The following DOK6 variants were observed in gnomAD, a reference collection of about 807,000 sequenced individuals.
DOK6 encodes docking protein 6.
A neutral mutation model predicts 44.0 loss-of-function variants in DOK6; 22 were observed. The ratio of observed to expected loss-of-function variants is 0.50; its 90% CI spans 0.36 to 0.71. DOK6 has a LOEUF of 0.71. DOK6 is among the 30% of genes least tolerant of loss of function. The pLI is 0.00. For synonymous variants in DOK6, 166 were observed against 145.5 expected (o/e 1.14, Z -1.01); for missense variants, 340 against 416.4 (o/e 0.82, Z 1.60).
At chr18:69,535,688 T>C (rs1982104563) in intron 1 of DOK6, among the ~76,000 whole-genome samples, 1 of 151,952 alleles carries the variant, frequency 6.6e-6, no homozygotes. Flanking sequence ...TTAAGTGTCT[T>C]TACTTAGGCT....
At chr18:69,660,441 G>A (rs1018726583) in intron 3 of DOK6, 16 of 151,910 alleles carry the variant, frequency 1.1e-4, no homozygotes, top group African/African-American at 2.2e-4. Context: ...TTCTTTTATC[G>A]TGGTATGCGC....
chr18:69,401,545 G>C (rs1035538977), intron 1 of DOK6, among the ~76,000 whole-genome samples: 34 of 152,150 alleles, frequency 2.2e-4, no homozygotes, highest in African/African-American at 7.0e-4. Context: ...AGTGCACCGG[G>C]CTGTCTTCGA....
intron 1 of DOK6, among the ~76,000 whole-genome samples, chr18:69,554,853 GC>G (rs2144590957): frequency 6.6e-6 from 1 of 152,106 alleles, no homozygotes; most frequent in Admixed American, 6.5e-5. Context: ...ATCTTATTGT[GC>G]TTTTACTTCA....
rs189492120 is a variant in DOK6 at position 69,406,735 on chromosome 18, C to T, written c.66+5425C>T. 1.6e-3 allele frequency among the ~76,000 whole-genome samples: 247 copies of T among 152,266 alleles called. 1 individual carries two copies. The highest frequency in any genetic ancestry group is 5.8e-3 in the African/African-American group (241 of 41,522). Reference sequence around the variant, plus strand: ...AGTTTCCTTAAATGTCTTTCAAACACGCACAGTAATGGTGAATATTTTGGA... The same window carrying T: ...AGTTTCCTTAAATGTCTTTCAAACATGCACAGTAATGGTGAATATTTTGGA... On this transcript the variant is annotated intron_variant, in intron 1 of 7. Coordinates refer to ENST00000382713, the MANE Select transcript of DOK6 (RefSeq NM_152721.6).
intron 1 of DOK6, among the ~76,000 whole-genome samples, chr18:69,463,802 C>T (rs374549833): frequency 1.3e-5 from 2 of 151,472 alleles, no homozygotes; most frequent in East Asian, 3.9e-4. Context: ...TGTGTGTGTG[C>T]ATGTGTGTCC....
chr18:69,712,861 T>C (rs1187106149), intron 5 of DOK6, among the ~76,000 whole-genome samples: 2 of 152,262 alleles, frequency 1.3e-5, no homozygotes, highest in South Asian at 2.1e-4. Context: ...ACAACAAAAA[T>C]GTGCATTGGA....
chr18:69,511,797 A>G (rs1248333363), intron 1 of DOK6, among the ~76,000 whole-genome samples: 1 of 152,238 alleles, frequency 6.6e-6, no homozygotes, highest in Non-Finnish European at 1.5e-5. Context: ...CATTGAAACC[A>G]TAGTTCTTTC....
chr18:69,590,869 G>T lies in DOK6; in HGVS notation c.175-8515G>T, dbSNP rs532418562. ...AGAAGTAGAACTGACAAAATTTCAT[G>T]ACAGAACAGATGTTGTGGGTCCAGG... is the stretch of plus-strand genomic sequence containing the variant. On this transcript the variant is annotated intron_variant, in intron 2 of 7. Transcript: ENST00000382713. 5.3e-5 allele frequency among the ~76,000 whole-genome samples: 8 copies of T among 152,216 alleles called. No homozygotes were observed. In the South Asian group the frequency reaches 1.2e-3, roughly 24 times the overall value.
chr18:69,703,567 A>G (rs1263752545), intron 5 of DOK6, among the ~76,000 whole-genome samples: 2 of 152,212 alleles, frequency 1.3e-5, no homozygotes, highest in Non-Finnish European at 2.9e-5. Context: ...CCCATTCTCA[A>G]TAGCTCAATA....
intron 6 of DOK6, among the ~76,000 whole-genome samples, chr18:69,757,178 A>C (rs935326914): frequency 1.3e-5 from 2 of 152,186 alleles, no homozygotes; most frequent in African/African-American, 4.8e-5. Flanking sequence ...CTTTTTTAAT[A>C]TGTACAAGAT....
chr18:69,558,359 C>A (rs563470180), intron 1 of DOK6, among the ~76,000 whole-genome samples: 1 of 152,140 alleles, frequency 6.6e-6, no homozygotes, highest in Non-Finnish European at 1.5e-5. Context: ...CACAGAATGA[C>A]ACTTGCAAAT....
chr18:69,816,980 G>A (rs1981416450), intron 7 of DOK6, among the ~76,000 whole-genome samples: 1 of 152,194 alleles, frequency 6.6e-6, no homozygotes, highest in Non-Finnish European at 1.5e-5. Flanking sequence ...GAAGAGGACA[G>A]CAGCATTCTC....
At chr18:69,737,370 C>T (rs1339171938) in intron 5 of DOK6, among the ~76,000 whole-genome samples, 1 of 152,100 alleles carries the variant, frequency 6.6e-6, no homozygotes. Flanking sequence ...CATCAGATCT[C>T]GCGAGAACTC....
chr18:69,787,771 T>G (rs2145094789), intron 7 of DOK6, among the ~76,000 whole-genome samples: 1 of 152,320 alleles, frequency 6.6e-6, no homozygotes, highest in Non-Finnish European at 1.5e-5. Context: ...AAGGAATATG[T>G]GCTTCTCTAG....
intron 4 of DOK6, among the ~76,000 whole-genome samples, chr18:69,678,897 G>T (rs1025530709): frequency 2.0e-5 from 3 of 152,166 alleles, no homozygotes; most frequent in Non-Finnish European, 4.4e-5. Flanking sequence ...GAAATTCTGG[G>T]CCAGGCGTGG....
chr18:69,655,873 G>C (rs1985354609), intron 3 of DOK6, among the ~76,000 whole-genome samples: 1 of 148,398 alleles, frequency 6.7e-6, no homozygotes, highest in Non-Finnish European at 1.5e-5. Flanking sequence ...AATAAGATAT[G>C]AAAGAGTAAG....
At chr18:69,608,036 A>G (rs551849054) in intron 3 of DOK6, among the ~76,000 whole-genome samples, 65 of 152,338 alleles carry the variant, frequency 4.3e-4, no homozygotes, top group African/African-American at 1.6e-3. Context: ...TTGTTTTTTT[A>G]AGAAGACTTA....
At chr18:69,554,208 G>A (rs17081235) in intron 1 of DOK6, among the ~76,000 whole-genome samples, 5,559 of 152,186 alleles carry the variant, frequency 0.037, 101 homozygotes, top group Middle Eastern at 0.044. Context: ...GTGTACATGC[G>A]AATTATATCA....
intron 3 of DOK6, among the ~76,000 whole-genome samples, chr18:69,673,041 G>A (rs1985842358): frequency 6.6e-6 from 1 of 152,000 alleles, no homozygotes. Flanking sequence ...AGACAAAACA[G>A]GATTATTTTG....
Sources: gnomAD v4.1 joint callset for allele counts (sites outside exome capture counted in the v4.1 genomes callset) on GRCh38, gnomAD v4.1.1 for gene constraint, MANE v1.5 for transcripts, NCBI Gene and HGNC (gene_info 2026-07-23, HGNC 2026-07-21) for gene names.